The following PPARG variants were observed in gnomAD, a reference collection of about 807,000 sequenced individuals.
The protein encoded by PPARG is peroxisome proliferator-activated receptor gamma.
PPARG carries 17 observed loss-of-function variants against 39.2 expected under a neutral mutation model. The ratio of observed to expected loss-of-function variants is 0.43; its 90% CI spans 0.30 to 0.65. PPARG has a LOEUF of 0.65. Ranked by LOEUF, PPARG falls within the 30% of genes least tolerant of loss-of-function variation. The pLI is 0.13. For synonymous variants in PPARG, 223 were observed against 215.7 expected, an observed-to-expected ratio of 1.03 and a Z score of -0.30; for missense variants, 406 against 585.9, an observed-to-expected ratio of 0.69 and a Z score of 3.17.
chr3:12,309,575 A>G (rs1440138418), intron 1 of PPARG, among the ~76,000 whole-genome samples: 1 of 152,158 alleles, frequency 6.6e-6, no homozygotes, highest in African/African-American at 2.4e-5. Flanking sequence ...ATTTTTTCCT[A>G]CTGAGAAACA....
chr3:12,334,551 A>G (rs1203276705), intron 2 of PPARG, among the ~76,000 whole-genome samples: 1 of 152,006 alleles, frequency 6.6e-6, no homozygotes, highest in Non-Finnish European at 1.5e-5. Context: ...TTAAATTTTT[A>G]AGTTTAGAGT....
chr3:12,404,337 AATTT>A (rs1345173754), intron 5 of PPARG, among the ~76,000 whole-genome samples: 1 of 152,178 alleles, frequency 6.6e-6, no homozygotes, highest in Non-Finnish European at 1.5e-5. Flanking sequence ...TCAGCGATAA[AATTT>A]ATTTAGGGTC....
At chr3:12,374,838 C>A (rs1360914791) in intron 2 of PPARG, among the ~76,000 whole-genome samples, 1 of 151,972 alleles carries the variant, frequency 6.6e-6, no homozygotes, top group Non-Finnish European at 1.5e-5. Context: ...TTTTATGTAA[C>A]CCTAAAACTG....
chr3:12,314,451 T>C (rs2047334577), intron 2 of PPARG, among the ~76,000 whole-genome samples: 1 of 152,166 alleles, frequency 6.6e-6, no homozygotes. Flanking sequence ...TCAAGGTCAA[T>C]ATCAAGGATA....
chr3:12,387,274 A>G (rs2049910550), intron 4 of PPARG, among the ~76,000 whole-genome samples: 1 of 152,172 alleles, frequency 6.6e-6, no homozygotes, highest in African/African-American at 2.4e-5. Context: ...TTCTAGTTCT[A>G]GATCCTTGAG....
At chr3:12,397,700 G>A (rs1372808903) in intron 5 of PPARG, among the ~76,000 whole-genome samples, 3 of 151,940 alleles carry the variant, frequency 2.0e-5, no homozygotes, top group Non-Finnish European at 4.4e-5. Context: ...GTGAGCCACC[G>A]CGTCTGGCTA....
At position 12,379,937 on chromosome 3, in the gene PPARG, A is replaced by G; in HGVS notation, c.220+6A>G. The G allele has an allele frequency of 6.3e-7, 1 of 1,585,564 alleles. No individual in the cohort carries two copies. The highest frequency in any genetic ancestry group is 8.7e-7 in the Non-Finnish European group (1 of 1,154,152). On this transcript the variant is annotated splice_donor_region_variant and intron_variant, in intron 3 of 7. Transcript: ENST00000651735. ...GAAACTTCAAGAGTACCAAAGTATG[A>G]TGTTTATTTTCACTTTTCAGACTAC...
At chr3:12,305,628 C>T (rs1309451030) in intron 1 of PPARG, 2 of 152,146 alleles carry the variant, frequency 1.3e-5, no homozygotes, top group Non-Finnish European at 2.9e-5. Context: ...AATTCTGTAT[C>T]TTTATTGTCT....
chr3:12,334,068 T>G (rs115615101), intron 2 of PPARG, among the ~76,000 whole-genome samples: 2,442 of 152,254 alleles, frequency 0.016, 65 homozygotes, highest in African/African-American at 0.055. Context: ...TTTCACCTCT[T>G]TGCAGCTTCT....
chr3:12,296,271 A>AT (rs1466014771), intron 1 of PPARG, among the ~76,000 whole-genome samples: 1 of 151,482 alleles, frequency 6.6e-6, no homozygotes, highest in Non-Finnish European at 1.5e-5. Flanking sequence ...AAAAAAAAAA[A>AT]AAAAAAAAGA....
chr3:12,432,920 A>G (rs939980465), intron 7 of PPARG, among the ~76,000 whole-genome samples: 2 of 152,238 alleles, frequency 1.3e-5, no homozygotes, highest in African/African-American at 2.4e-5. Context: ...AGATCTACAT[A>G]AAGAAAAAAG....
chr3:12,355,941 T>C (rs890016030), intron 2 of PPARG, among the ~76,000 whole-genome samples: 6 of 152,232 alleles, frequency 3.9e-5, no homozygotes, highest in African/African-American at 1.2e-4. Flanking sequence ...GTTAGGATAA[T>C]CCTGGGAAAA....
At chr3:12,329,968 G>A (rs2047806558) in intron 2 of PPARG, among the ~76,000 whole-genome samples, 1 of 152,138 alleles carries the variant, frequency 6.6e-6, no homozygotes, top group South Asian at 2.1e-4. Flanking sequence ...GTATCAGAAT[G>A]CCATTCCTTT....
intron 2 of PPARG, among the ~76,000 whole-genome samples, chr3:12,319,845 G>T (rs1375060875): frequency 6.6e-6 from 1 of 151,842 alleles, no homozygotes; most frequent in Non-Finnish European, 1.5e-5. Flanking sequence ...AAGTAAGAAA[G>T]GTTTATGTTA....
intron 7 of PPARG, 61 bp from the exon 8 acceptor site, chr3:12,433,837 C>T (rs972884283): frequency 3.2e-5 from 51 of 1,611,054 alleles, no homozygotes; most frequent in African/African-American, 6.7e-5. Context: ...GCCTCCAAGG[C>T]GGGGCCCAGA....
chr3:12,330,678 A>G (rs556308081), intron 2 of PPARG, among the ~76,000 whole-genome samples: 1 of 152,210 alleles, frequency 6.6e-6, no homozygotes, highest in Non-Finnish European at 1.5e-5. Context: ...TCTCTCTTCA[A>G]CTGAAAGAAT....
intron 6 of PPARG, among the ~76,000 whole-genome samples, chr3:12,414,845 G>T (rs1400292810): frequency 6.6e-6 from 1 of 152,138 alleles, no homozygotes; most frequent in African/African-American, 2.4e-5. Flanking sequence ...TTTGGAGTTT[G>T]CTAAGTAGTA....
chr3:12,328,407 T>A (rs927222197), intron 2 of PPARG: 2 of 624,648 alleles, frequency 3.2e-6, no homozygotes, highest in Non-Finnish European at 2.8e-6. Flanking sequence ...AACGTCACAT[T>A]TTCTGCATCA....
At chr3:12,412,720 T>C (rs1357773783) in intron 6 of PPARG, among the ~76,000 whole-genome samples, 4 of 152,178 alleles carry the variant, frequency 2.6e-5, no homozygotes, top group Non-Finnish European at 5.9e-5. Context: ...GTCCTTCCAG[T>C]GCTTGGGGAA....
Sources: allele counts gnomAD v4.1 joint callset (sites outside exome capture counted in the v4.1 genomes callset), GRCh38; gene constraint gnomAD v4.1.1; transcripts MANE v1.5; gene names NCBI Gene and HGNC (gene_info 2026-07-23, HGNC 2026-07-21).